The following MGAT4C variants were observed in gnomAD, a reference collection of about 807,000 sequenced individuals.
MGAT4C encodes the protein MGAT4 family member C.
MGAT4C carries 19 observed loss-of-function variants against 40.1 expected under a neutral mutation model. The observed-to-expected ratio is 0.47, with a 90% CI of 0.33 to 0.70. MGAT4C has a LOEUF of 0.70. Among genes scored for constraint, MGAT4C ranks in the 30% least tolerant of loss-of-function variants. MGAT4C has a pLI of 0.02. For missense variants in MGAT4C, 491 were observed against 563.2 expected, an observed-to-expected ratio of 0.87 and a Z score of 1.30; for synonymous variants, 181 against 187.1, an observed-to-expected ratio of 0.97 and a Z score of 0.27.
chr12:86,388,180 C>A (rs773723635), intron 3 of MGAT4C, among the ~76,000 whole-genome samples: 3 of 152,006 alleles, frequency 2.0e-5, no homozygotes, highest in Non-Finnish European at 4.4e-5. Context: ...CTCATTCTAT[C>A]AGGAAGATGT....
intron 1 of MGAT4C, among the ~76,000 whole-genome samples, chr12:86,103,978 G>C (rs1404334855): frequency 6.6e-6 from 1 of 151,900 alleles, no homozygotes; most frequent in Non-Finnish European, 1.5e-5. Flanking sequence ...ACAAATTATT[G>C]GAAGGTCTTT....
intron 2 of MGAT4C, among the ~76,000 whole-genome samples, chr12:86,049,125 A>G (rs1370609563): frequency 6.6e-6 from 1 of 152,084 alleles, no homozygotes; most frequent in African/African-American, 2.4e-5. Context: ...TAAATCTCAT[A>G]TAATTAACTT....
intron 3 of MGAT4C, among the ~76,000 whole-genome samples, chr12:86,340,185 T>C (rs546481078): frequency 3.9e-5 from 6 of 152,332 alleles, no homozygotes; most frequent in African/African-American, 1.4e-4. Context: ...AGATATTAAG[T>C]AAATCATCTT....
intron 1 of MGAT4C, 37 bp from the exon 2 acceptor site, chr12:86,049,760 C>T: frequency 1.2e-6 from 1 of 812,270 alleles, no homozygotes; most frequent in Non-Finnish European, 1.5e-6. Flanking sequence ...TAATACAACC[C>T]ACTGGTTTCT....
At chr12:86,119,639 C>T (rs1435605946) in intron 1 of MGAT4C, among the ~76,000 whole-genome samples, 1 of 151,236 alleles carries the variant, frequency 6.6e-6, no homozygotes, top group Non-Finnish European at 1.5e-5. Flanking sequence ...AAACTCCTGA[C>T]GTCAGGTGAT....
At chr12:86,164,491 A>G (rs143931060) in intron 1 of MGAT4C, among the ~76,000 whole-genome samples, 1 of 152,342 alleles carries the variant, frequency 6.6e-6, no homozygotes, top group East Asian at 1.9e-4. Context: ...CGTACATAAG[A>G]TTTAAAGTCT....
intron 1 of MGAT4C, among the ~76,000 whole-genome samples, chr12:86,234,060 A>G (rs540473830): frequency 3.9e-5 from 6 of 152,160 alleles, no homozygotes; most frequent in Admixed American, 6.6e-5. Flanking sequence ...TCATAGTAGC[A>G]ATAGTAATAA....
At chr12:86,195,489 T>C (rs1157831493) in intron 1 of MGAT4C, among the ~76,000 whole-genome samples, 1 of 152,164 alleles carries the variant, frequency 6.6e-6, no homozygotes, top group Non-Finnish European at 1.5e-5. Context: ...ATACAAGCTT[T>C]CAATTCTTTG....
intron 1 of MGAT4C, among the ~76,000 whole-genome samples, chr12:86,136,853 A>G (rs1353638155): frequency 1.3e-5 from 2 of 151,816 alleles, no homozygotes; most frequent in Admixed American, 1.3e-4. Context: ...ACGCCTGGCT[A>G]ATTTTTGTAT....
chr12:86,549,819 T>C (rs1431392034), intron 2 of MGAT4C, among the ~76,000 whole-genome samples: 1 of 152,066 alleles, frequency 6.6e-6, no homozygotes, highest in Non-Finnish European at 1.5e-5. Context: ...TAGGAGGACA[T>C]ATGGAGACAC....
At chr12:86,085,235 T>C (rs1871550366) in intron 1 of MGAT4C, among the ~76,000 whole-genome samples, 1 of 152,138 alleles carries the variant, frequency 6.6e-6, no homozygotes, top group African/African-American at 2.4e-5. Flanking sequence ...AGTTTGGCTT[T>C]TGTTGCAATT....
chr12:86,605,052 A>T (rs77786395), intron 2 of MGAT4C, among the ~76,000 whole-genome samples: 16 of 152,198 alleles, frequency 1.1e-4, no homozygotes, highest in African/African-American at 3.9e-4. Flanking sequence ...CATAATTCTG[A>T]TCTATTTGTC....
At chr12:85,996,310 AG>A (rs751600758) in intron 2 of MGAT4C, among the ~76,000 whole-genome samples, 271 of 152,366 alleles carry the variant, frequency 1.8e-3, no homozygotes, top group Non-Finnish European at 3.4e-3. Context: ...AACAATTTCT[AG>A]GGATGAAAAA....
intron 3 of MGAT4C, among the ~76,000 whole-genome samples, chr12:86,410,308 C>T (rs747730965): frequency 2.1e-4 from 32 of 152,022 alleles, no homozygotes; most frequent in East Asian, 3.9e-4. Flanking sequence ...TTATCTCAAC[C>T]GCATAAGACA....
intron 1 of MGAT4C, among the ~76,000 whole-genome samples, chr12:86,139,469 G>A (rs895443068): frequency 4.6e-5 from 7 of 151,746 alleles, no homozygotes; most frequent in African/African-American, 1.7e-4. Flanking sequence ...TCAAAATTAT[G>A]TTCCTTATCT....
At position 86,700,174 on chromosome 12, in the gene MGAT4C, C is replaced by CAGATAGAT. The variant is rs1451228380; in HGVS notation, c.-229+27034_-229+27035insATCTATCT. 1.8e-3 allele frequency among the ~76,000 whole-genome samples: 259 copies of CAGATAGAT among 140,844 alleles called. 2 individuals carry two copies. Among genetic ancestry groups the CAGATAGAT allele is most frequent in the African/African-American group, 5.9e-3 (213 of 36,080 alleles). 92.4% of individuals were successfully genotyped at this position (140,844 alleles called of 152,430 possible). A position where few individuals can be genotyped will look rare whatever the true frequency, so the allele number is the denominator to read the frequency against. ...ACAGACAGACAGACAGACAGACAGA[C>CAGATAGAT]AGACAGATAGATAGATAGATAGATA... On this transcript the variant is annotated intron_variant, in intron 2 of 7. Transcript: ENST00000548651.
At chr12:86,521,253 G>GT (rs1270894087) in intron 2 of MGAT4C, among the ~76,000 whole-genome samples, 1 of 152,084 alleles carries the variant, frequency 6.6e-6, no homozygotes, top group Non-Finnish European at 1.5e-5. Flanking sequence ...TGTATATGGT[G>GT]TAAGAAAGGG....
At chr12:85,986,187 G>C (rs1318418984) in intron 3 of MGAT4C, among the ~76,000 whole-genome samples, 2 of 152,284 alleles carry the variant, frequency 1.3e-5, no homozygotes, top group East Asian at 3.9e-4. Context: ...CTTGTTGGCT[G>C]CTTTCCAGAG....
At chr12:86,031,893 G>GT (rs1381993367) in intron 2 of MGAT4C, among the ~76,000 whole-genome samples, 2 of 151,782 alleles carry the variant, frequency 1.3e-5, no homozygotes, top group African/African-American at 4.8e-5. Flanking sequence ...CTGATAGGTA[G>GT]TTTTTTGATC....
Sources: gnomAD v4.1 joint callset for allele counts (sites outside exome capture counted in the v4.1 genomes callset) on GRCh38, gnomAD v4.1.1 for gene constraint, MANE v1.5 for transcripts, NCBI Gene and HGNC (gene_info 2026-07-23, HGNC 2026-07-21) for gene names.